FAM135A: variants seen among roughly 807,000 people sequenced by gnomAD.
The protein encoded by FAM135A is protein FAM135A.
A neutral mutation model predicts 146.8 loss-of-function variants in FAM135A; 79 were observed. That is an observed-to-expected ratio of 0.54 (90% CI 0.45 to 0.65). The LOEUF (loss-of-function observed/expected upper bound fraction) is 0.65, where lower values mean the gene tolerates loss of function less well. FAM135A is among the 30% of genes least tolerant of loss of function. FAM135A has a pLI of 0.00. For synonymous variants in FAM135A, 562 were observed against 603.6 expected (o/e 0.93, Z 1.01); for missense variants, 1,623 against 1,758.2 (o/e 0.92, Z 1.38).
At chr6:70,516,525 C>G (rs1397194256) in intron 12 of FAM135A, among the ~76,000 whole-genome samples, 1 of 127,114 alleles carries the variant, frequency 7.9e-6, no homozygotes, top group East Asian at 2.3e-4. Flanking sequence ...ATAGTATTTT[C>G]TTTTCTTTTT....
intron 20 of FAM135A, among the ~76,000 whole-genome samples, chr6:70,543,816 A>G (rs1053826481): frequency 6.6e-6 from 1 of 152,214 alleles, no homozygotes; most frequent in African/African-American, 2.4e-5. Context: ...CTAAACTGTA[A>G]AGAAAATATA....
chr6:70,499,143 A>G (rs998525690), intron 11 of FAM135A, among the ~76,000 whole-genome samples: 1 of 152,208 alleles, frequency 6.6e-6, no homozygotes, highest in African/African-American at 2.4e-5. Flanking sequence ...AACTTGCTTT[A>G]TGAATCTGGG....
intron 5 of FAM135A, 45 bp downstream of exon 5, chr6:70,452,616 T>C (rs1323425941): frequency 7.1e-7 from 1 of 1,413,984 alleles, no homozygotes; most frequent in Admixed American, 2.5e-5. Flanking sequence ...ATCTGAATGG[T>C]CAATAACTTT....
intron 20 of FAM135A, among the ~76,000 whole-genome samples, chr6:70,548,874 G>GA (rs1321875587): frequency 6.7e-6 from 1 of 149,044 alleles, no homozygotes; most frequent in African/African-American, 2.5e-5. Context: ...CAACCCAAAA[G>GA]AAAAAAATGG....
At chr6:70,517,262 G>A (rs1334981297) in intron 12 of FAM135A, among the ~76,000 whole-genome samples, 1 of 152,092 alleles carries the variant, frequency 6.6e-6, no homozygotes, top group Admixed American at 6.5e-5. Context: ...GGGGGATGGT[G>A]GCTTATGCCA....
intron 19 of FAM135A, among the ~76,000 whole-genome samples, chr6:70,536,849 G>T (rs1358027431): frequency 6.6e-6 from 1 of 151,374 alleles, no homozygotes; most frequent in Non-Finnish European, 1.5e-5. Context: ...AGGTGATTCA[G>T]AATTTCTGAA....
At chr6:70,528,235 G>A in intron 15 of FAM135A, 57 bp from the exon 16 acceptor site, 1 of 1,475,690 alleles carries the variant, frequency 6.8e-7, no homozygotes, top group Non-Finnish European at 9.1e-7. Context: ...AATTCAGGAG[G>A]GTTCTAACAA....
intron 12 of FAM135A, among the ~76,000 whole-genome samples, chr6:70,517,150 T>G (rs890777679): frequency 2.0e-5 from 3 of 152,230 alleles, no homozygotes; most frequent in Non-Finnish European, 4.4e-5. Flanking sequence ...TAGGCAGACT[T>G]CCAATTTGGC....
intron 20 of FAM135A, among the ~76,000 whole-genome samples, chr6:70,553,868 C>T (rs1006863453): frequency 2.0e-5 from 3 of 152,070 alleles, no homozygotes; most frequent in Non-Finnish European, 2.9e-5. Flanking sequence ...ACATGTACTA[C>T]ATATGAAGCA....
At chr6:70,448,872 G>A (rs186851400) in intron 4 of FAM135A, among the ~76,000 whole-genome samples, 24 of 152,294 alleles carry the variant, frequency 1.6e-4, no homozygotes, top group African/African-American at 4.3e-4. Flanking sequence ...GTTTAAGAAC[G>A]CCTTTAAGCA....
intron 7 of FAM135A, among the ~76,000 whole-genome samples, 174 bp downstream of exon 7, chr6:70,475,907 G>A (rs994864069): frequency 1.3e-5 from 2 of 152,110 alleles, no homozygotes; most frequent in Non-Finnish European, 2.9e-5. Flanking sequence ...TGCCCATGCC[G>A]AATCCATGAG....
intron 10 of FAM135A, among the ~76,000 whole-genome samples, 172 bp from the exon 11 acceptor site, chr6:70,490,859 TTAA>T (rs1474252857): frequency 1.3e-5 from 2 of 150,348 alleles, no homozygotes; most frequent in African/African-American, 4.8e-5. Flanking sequence ...AATGTAGAAT[TTAA>T]TAATCACATT....
Position 70,536,288 on chromosome 6 carries a change from A to G in FAM135A, c.3994A>G (p.Ile1332Val), listed in dbSNP as rs781196358. 2 of 1,608,678 alleles carry G rather than the reference A, an allele frequency of 1.2e-6. No individual in the cohort carries two copies. The highest frequency in any genetic ancestry group is 4.5e-5 in the East Asian group (2 of 44,674). ...TATTGGACATTCGTTGGGCAATTTA[A>G]TAATTCGTTCAGTGCTTACAAGGCC... ...SFIGHSLGNLIIRSVLTRPRF... is the reference protein window; with the variant it reads ...SFIGHSLGNLVIRSVLTRPRF... Residue 1332 changes from isoleucine (I) to valine (V), a missense_variant, in exon 19 of 22, where the codon ATA (isoleucine) becomes GTA (valine). Coordinates refer to ENST00000418814, the MANE Select transcript of FAM135A (RefSeq NM_001162529.3).
At chr6:70,537,524 A>G (rs1797008713) in intron 19 of FAM135A, among the ~76,000 whole-genome samples, 1 of 152,188 alleles carries the variant, frequency 6.6e-6, no homozygotes. Flanking sequence ...ATAATGTATA[A>G]TAGAACCCAA....
chr6:70,422,392 T>G (rs537935004), intron 2 of FAM135A, among the ~76,000 whole-genome samples: 47 of 152,336 alleles, frequency 3.1e-4, no homozygotes, highest in Non-Finnish European at 5.1e-4. Flanking sequence ...TAGTCCCTTT[T>G]TTGTATTTTT....
chr6:70,523,793 A>G (rs1167792326), intron 13 of FAM135A, among the ~76,000 whole-genome samples, 174 bp from the exon 14 acceptor site: 1 of 152,164 alleles, frequency 6.6e-6, no homozygotes, highest in Non-Finnish European at 1.5e-5. Context: ...CCAACAAACT[A>G]TCATTTTCAT....
intron 8 of FAM135A, among the ~76,000 whole-genome samples, chr6:70,480,648 G>A (rs1354238083): frequency 6.6e-6 from 1 of 151,990 alleles, no homozygotes; most frequent in Non-Finnish European, 1.5e-5. Flanking sequence ...TTTTATCTTT[G>A]ATGTTCTTTG....
chr6:70,538,419 G>A lies in FAM135A; in HGVS notation c.4228+18G>A. The A allele has an allele frequency of 7.4e-7, 1 of 1,359,356 alleles. No homozygotes were observed. Among genetic ancestry groups the A allele is most frequent in the Non-Finnish European group, 9.7e-7 (1 of 1,028,290 alleles). 84.2% of individuals were successfully genotyped at this position (1,359,356 alleles called of 1,614,324 possible). ...CAAAGCAGGTAAGTATATAATAACA[G>A]TTTGGAAAATATACATGTGAAAACT... On this transcript the variant is annotated intron_variant, in intron 20 of 21. Coordinates refer to ENST00000418814, the MANE Select transcript of FAM135A (RefSeq NM_001162529.3).
chr6:70,475,597 T>A (rs777975784), intron 6 of FAM135A, 48 bp downstream of exon 6: 40 of 1,582,142 alleles, frequency 2.5e-5, no homozygotes, highest in South Asian at 4.7e-5. Flanking sequence ...TTGTAATGCC[T>A]CAAGATGTTA....
Sources: allele counts gnomAD v4.1 joint callset (sites outside exome capture counted in the v4.1 genomes callset), GRCh38; gene constraint gnomAD v4.1.1; transcripts MANE v1.5; gene names NCBI Gene and HGNC (gene_info 2026-07-23, HGNC 2026-07-21).